AQP11: variants seen among roughly 807,000 people sequenced by gnomAD.
AQP11 encodes aquaporin-11.
In AQP11, 20 loss-of-function variants were observed where a neutral mutation model predicts 21.1. The observed-to-expected ratio is 0.95, with a 90% CI of 0.67 to 1.38. The LOEUF (loss-of-function observed/expected upper bound fraction) is 1.38. Ranked by LOEUF, AQP11 falls within the 40% of genes most tolerant of loss-of-function variation. The pLI is 0.00. For synonymous variants in AQP11, 167 were observed against 150.1 expected, an observed-to-expected ratio of 1.11 and a Z score of -0.82; for missense variants, 339 against 340.4, an observed-to-expected ratio of 1.00 and a Z score of 0.03.
chr11:77,601,313 T>G (rs1266426703), intron 1 of AQP11, among the ~76,000 whole-genome samples: 1 of 151,816 alleles, frequency 6.6e-6, no homozygotes, highest in South Asian at 2.1e-4. Flanking sequence ...CTGTATCAGT[T>G]AACTATTGCT....
At position 77,590,006 on chromosome 11, in the gene AQP11, T is replaced by C. The variant is rs781687062; in HGVS notation, c.14T>C (p.Leu5Pro). The C allele has an allele frequency of 1.3e-6, 2 of 1,495,966 alleles. No individual in the cohort carries two copies. The highest frequency in any genetic ancestry group is 1.8e-6 in the Non-Finnish European group (2 of 1,127,272). 92.7% of individuals were successfully genotyped at this position (1,495,966 alleles called of 1,614,324 possible). MSPL[L>P]GLRSELQDTC... ...GGCGACGGAGCCATGTCGCCGCTGC[T>C]GGGGCTCCGGTCCGAGCTGCAGGAC... The change falls in exon 1 of 3, where the codon CTG becomes CCG. Residue 5 changes from leucine to proline, a missense_variant. Physicochemically the swap from Leu to Pro is moderately conservative, Grantham distance 98 (BLOSUM62 -3). Transcript: ENST00000313578.
chr11:77,590,187 A>T lies in AQP11; in HGVS notation c.195A>T (p.Gln65His). The change falls in exon 1 of 3, where the codon CAA (glutamine) becomes CAT (histidine). Residue 65 changes from glutamine to histidine, a missense_variant. Coordinates refer to ENST00000313578, the MANE Select transcript of AQP11 (RefSeq NM_173039.3). The part of the protein sequence containing the change: ...FQLCCCTHEL[Q>H]LLSEQHPAHP... ...TCTGCTGCTGCACCCACGAGCTGCAACTGCTGAGCGAACAGCACCCCGCGC... is the reference window on the plus strand; with the variant it reads ...TCTGCTGCTGCACCCACGAGCTGCATCTGCTGAGCGAACAGCACCCCGCGC... 6.2e-7 allele frequency: 1 copy of T among 1,600,092 alleles called. No homozygotes were observed. The highest frequency in any genetic ancestry group is 8.5e-7 in the Non-Finnish European group (1 of 1,174,700).
intron 1 of AQP11, among the ~76,000 whole-genome samples, chr11:77,600,717 A>G (rs2135748508): frequency 6.6e-6 from 1 of 152,316 alleles, no homozygotes; most frequent in Middle Eastern, 3.4e-3. Context: ...TTGCTACAAT[A>G]ACCAATCTTG....
intron 1 of AQP11, among the ~76,000 whole-genome samples, chr11:77,591,478 G>C (rs12576652): frequency 0.049 from 7,501 of 152,302 alleles, 256 homozygotes; most frequent in Non-Finnish European, 0.07. Flanking sequence ...AAGGAAATTT[G>C]TGGTAATAAT....
intron 1 of AQP11, chr11:77,591,156 TTAA>T (rs1197085869): frequency 1.1e-5 from 11 of 958,442 alleles, no homozygotes; most frequent in Non-Finnish European, 1.2e-5. Flanking sequence ...TCTTATTTCC[TTAA>T]TAATTCATTT....
intron 1 of AQP11, among the ~76,000 whole-genome samples, chr11:77,598,404 G>A (rs745522985): frequency 1.3e-5 from 2 of 152,086 alleles, no homozygotes; most frequent in Admixed American, 6.5e-5. Context: ...TGGATCTCCC[G>A]GTTATACCTC....
chr11:77,590,808 A>G, intron 1 of AQP11, 197 bp downstream of exon 1: 3 of 985,458 alleles, frequency 3.0e-6, no homozygotes, highest in Non-Finnish European at 3.6e-6. Context: ...TGCTGCTTTG[A>G]ACACCCAGAG....
At chr11:77,602,153 G>C (rs1444520032) in intron 1 of AQP11, among the ~76,000 whole-genome samples, 1 of 152,146 alleles carries the variant, frequency 6.6e-6, no homozygotes, top group Non-Finnish European at 1.5e-5. Flanking sequence ...TTTTAGGATG[G>C]CATAAGACTG....
At chr11:77,594,546 T>C (rs1213488425) in intron 1 of AQP11, among the ~76,000 whole-genome samples, 2 of 152,232 alleles carry the variant, frequency 1.3e-5, no homozygotes, top group African/African-American at 2.4e-5. Flanking sequence ...CTTGGGACAG[T>C]TGGCTAAGTC....
chr11:77,602,550 G>T (rs1315603666), intron 1 of AQP11, among the ~76,000 whole-genome samples: 1 of 152,200 alleles, frequency 6.6e-6, no homozygotes, highest in African/African-American at 2.4e-5. Flanking sequence ...GAATCATGCT[G>T]TGAGGCTGGT....
In AQP11 at chr11:77,590,610, AG is replaced by A. The variant is rs1958742061; in HGVS notation, c.619+1del. 2 of 1,609,858 alleles carry A rather than the reference AG, an allele frequency of 1.2e-6. No individual in the cohort carries two copies. Among genetic ancestry groups the A allele is most frequent in the African/African-American group, 1.3e-5 (1 of 74,736 alleles). The part of the protein sequence containing the change: ...AALITFLVYA[G>X]GSLTGAVFNP... ...CACTCATCACCTTTTTGGTCTATGC[AG>A]GTTTGTCATTCTCACCAAATACTTG... On this transcript the variant is annotated frameshift_variant and splice_region_variant, in exon 1 of 3. Transcript: ENST00000313578. LOFTEE classifies it high-confidence loss of function.
chr11:77,599,547 G>C (rs1158553829), intron 1 of AQP11, among the ~76,000 whole-genome samples: 1 of 151,110 alleles, frequency 6.6e-6, no homozygotes, highest in Non-Finnish European at 1.5e-5. Flanking sequence ...GCCTCCCAAA[G>C]TGCTGGGATT....
At chr11:77,603,359 CTCTG>C (rs1016686395) in intron 1 of AQP11, among the ~76,000 whole-genome samples, 193 bp from the exon 2 acceptor site, 1 of 152,064 alleles carries the variant, frequency 6.6e-6, no homozygotes, top group Non-Finnish European at 1.5e-5. Flanking sequence ...CTTTAATGTC[CTCTG>C]TCTTTTTTTT....
intron 1 of AQP11, chr11:77,591,244 C>G (rs1370818013): frequency 2.1e-6 from 2 of 966,244 alleles, no homozygotes; most frequent in East Asian, 1.1e-4. Context: ...ATTAAAGATG[C>G]TTTTTAAAAT....
rs1442839392 is a variant in AQP11 at position 77,590,358 on chromosome 11, G to A, written c.366G>A (p.Leu122=). 6.2e-7 allele frequency: 1 copy of A among 1,613,006 alleles called. No individual in the cohort carries two copies. Residue 122 remains leucine, a synonymous_variant, in exon 1 of 3, where the codon TTG becomes TTA. Coordinates refer to ENST00000313578, the MANE Select transcript of AQP11 (RefSeq NM_173039.3). ...CCGAGACGGGTGCGGTGAGGCTATTGGCTCAGCTGGTTAGTGCCCTGTGCA... is the reference window on the plus strand; with the variant it reads ...CCGAGACGGGTGCGGTGAGGCTATTAGCTCAGCTGGTTAGTGCCCTGTGCA... ...MSPETGAVRL[L]AQLVSALCSR...
intron 2 of AQP11, among the ~76,000 whole-genome samples, chr11:77,604,445 G>T (rs1261896990): frequency 1.3e-5 from 2 of 152,124 alleles, no homozygotes; most frequent in Admixed American, 6.5e-5. Flanking sequence ...TTTGCATTAC[G>T]TATATAAAGT....
Position 77,590,505 on chromosome 11 carries a change from C to CT in AQP11, c.513_514insT (p.Val172CysfsTer45). On this transcript the variant is annotated frameshift_variant, in exon 1 of 3. Transcript: ENST00000313578. LOFTEE classifies it high-confidence loss of function. Reference sequence around the variant, plus strand: ...TGCTCAAAGCGGTCATCACAGAGGCCGTCTGCTCCTTTCTCTTCCACAGCG... The same window carrying CT: ...TGCTCAAAGCGGTCATCACAGAGGCCTGTCTGCTCCTTTCTCTTCCACAGCG... 1 of 1,614,140 alleles carries CT rather than the reference C, an allele frequency of 6.2e-7. No individual in the cohort carries two copies. Among genetic ancestry groups the CT allele is most frequent in the Non-Finnish European group, 8.5e-7 (1 of 1,180,036 alleles).
chr11:77,590,545 C>T lies in AQP11; in HGVS notation c.553C>T (p.Gln185Ter). ...CTTCCACAGCGCTCTGCTGCACTTC[C>T]AGGAAGTCCGAACCAAGCTTCGTAT... ...FLFHSALLHFQEVRTKLRIHL... is the reference protein window; with the variant it reads ...FLFHSALLHF Residue 185 changes from glutamine to a stop codon, truncating the protein, a stop_gained, in exon 1 of 3, where the codon CAG (glutamine) becomes TAG (stop). Coordinates refer to ENST00000313578, the MANE Select transcript of AQP11 (RefSeq NM_173039.3). LOFTEE classifies it high-confidence loss of function. 2 of 1,614,206 alleles carry T rather than the reference C, an allele frequency of 1.2e-6. No individual in the cohort carries two copies. The highest frequency in any genetic ancestry group is 1.7e-6 in the Non-Finnish European group (2 of 1,180,038).
chr11:77,597,822 C>T (rs1296066262), intron 1 of AQP11, among the ~76,000 whole-genome samples: 1 of 151,798 alleles, frequency 6.6e-6, no homozygotes, highest in Non-Finnish European at 1.5e-5. Context: ...GGCGCGATCT[C>T]GGCTCACTGC....
Sources: gnomAD v4.1 joint callset for allele counts (sites outside exome capture counted in the v4.1 genomes callset) on GRCh38, gnomAD v4.1.1 for gene constraint, MANE v1.5 for transcripts, NCBI Gene and HGNC (gene_info 2026-07-23, HGNC 2026-07-21) for gene names.